MRAS: variants seen among roughly 807,000 people sequenced by gnomAD.
MRAS encodes the protein ras-related protein M-Ras.
MRAS carries 4 observed loss-of-function variants against 20.9 expected under a neutral mutation model. The observed-to-expected ratio is 0.19, with a 90% confidence interval of 0.09 to 0.44. The LOEUF is 0.44. Among genes scored for constraint, MRAS ranks in the 20% least tolerant of loss-of-function variants. The probability of loss-of-function intolerance (pLI) is 0.99; values close to 1 mark genes in which losing one functional copy is unlikely to be tolerated. For synonymous variants in MRAS, 98 were observed against 102.9 expected (o/e 0.95, Z 0.29); for missense variants, 154 against 277.5 (o/e 0.56, Z 3.16).
intron 2 of MRAS, among the ~76,000 whole-genome samples, chr3:138,383,594 C>T (rs2054949187): frequency 2.0e-5 from 3 of 152,168 alleles, no homozygotes; most frequent in African/African-American, 7.2e-5. Flanking sequence ...TAGGGAGGTT[C>T]AGGAGTGAGG....
chr3:138,394,938 C>G (rs2108557030), intron 2 of MRAS, among the ~76,000 whole-genome samples: 1 of 152,360 alleles, frequency 6.6e-6, no homozygotes, highest in South Asian at 2.1e-4. Flanking sequence ...TGCTAGCCTC[C>G]TCACTGGTTC....
intron 1 of MRAS, among the ~76,000 whole-genome samples, chr3:138,353,171 A>T (rs1288380441): frequency 1.3e-5 from 2 of 152,210 alleles, no homozygotes; most frequent in Non-Finnish European, 1.5e-5. Flanking sequence ...ATTTGAATGT[A>T]TTATAAAAAT....
In MRAS at chr3:138,404,594, G is replaced by A. The variant is rs2055422449; in HGVS notation, c.*2325G>A. Reference sequence around the variant, plus strand: ...ATGGTGCCTGAGAGAGACTAGTTAAGGGTTGGTCTTCTGTATCCTCTGCTG... The same window carrying A: ...ATGGTGCCTGAGAGAGACTAGTTAAAGGTTGGTCTTCTGTATCCTCTGCTG... On this transcript the variant is annotated 3_prime_UTR_variant, in exon 6 of 6. Coordinates refer to ENST00000423968, the MANE Select transcript of MRAS (RefSeq NM_001085049.3). 6.6e-6 allele frequency: 1 copy of A among 152,240 alleles called. No homozygotes were observed. The highest frequency in any genetic ancestry group is 2.1e-4 in the South Asian group (1 of 4,820). 9.4% of individuals were successfully genotyped at this position (152,240 alleles called of 1,614,324 possible).
intron 1 of MRAS, among the ~76,000 whole-genome samples, chr3:138,365,396 T>A (rs1400987627): frequency 6.6e-6 from 1 of 152,178 alleles, no homozygotes; most frequent in Non-Finnish European, 1.5e-5. Context: ...TATTGACAGT[T>A]GCCATATGAG....
intron 2 of MRAS, among the ~76,000 whole-genome samples, chr3:138,393,878 A>G (rs1047931613): frequency 9.2e-5 from 14 of 151,810 alleles, no homozygotes; most frequent in African/African-American, 3.1e-4. Context: ...TTTAATAGAG[A>G]TGGGGTTTCA....
chr3:138,398,523 G>A lies in MRAS; in HGVS notation c.402G>A (p.Arg134=). The A allele has an allele frequency of 6.2e-7, 1 of 1,614,208 alleles. No homozygotes were observed. The highest frequency in any genetic ancestry group is 1.1e-5 in the South Asian group (1 of 91,084). The part of the protein sequence containing the change: ...VANKVDLMHL[R]KITREQGKEM... The stretch of plus-strand genomic sequence containing the variant: ...ACAAGGTCGATTTGATGCACTTGAG[G>A]AAGATCACCAGGGAGCAAGGAAAAG... The change falls in exon 4 of 6, where the codon AGG becomes AGA. Residue 134 remains arginine, a synonymous_variant. Transcript: ENST00000423968.
chr3:138,397,974 A>C (rs1477978422), intron 3 of MRAS, among the ~76,000 whole-genome samples: 3 of 152,246 alleles, frequency 2.0e-5, no homozygotes, highest in Admixed American at 2.0e-4. Context: ...TTCACCTGTC[A>C]AATTATAATT....
In MRAS at chr3:138,358,449, T is replaced by A. The variant is rs557390121; in HGVS notation, c.-19+9682T>A. Reference sequence around the variant, plus strand: ...GAACCAGCAGAAGTGCTGGGATTATTAAGCTATCATTATTACTAGCCAGGT... The same window carrying A: ...GAACCAGCAGAAGTGCTGGGATTATAAAGCTATCATTATTACTAGCCAGGT... On this transcript the variant is annotated intron_variant, in intron 1 of 5. Coordinates refer to ENST00000423968, the MANE Select transcript of MRAS (RefSeq NM_001085049.3). Among the ~76,000 whole-genome samples, 4 of 152,352 alleles carry A rather than the reference T, an allele frequency of 2.6e-5. No individual in the cohort carries two copies. In the South Asian group the frequency reaches 8.3e-4, roughly 32 times the overall value.
chr3:138,391,667 C>T (rs1053803286), intron 2 of MRAS, among the ~76,000 whole-genome samples: 1 of 152,036 alleles, frequency 6.6e-6, no homozygotes, highest in Non-Finnish European at 1.5e-5. Context: ...CAAGAGATCT[C>T]GTTATGTATA....
chr3:138,384,756 T>A (rs1233157727), intron 2 of MRAS, among the ~76,000 whole-genome samples: 2 of 151,770 alleles, frequency 1.3e-5, no homozygotes, highest in Non-Finnish European at 2.9e-5. Context: ...GACCCACCAA[T>A]GTTTAGAGGC....
At chr3:138,385,924 C>T (rs994445926) in intron 2 of MRAS, among the ~76,000 whole-genome samples, 6 of 152,124 alleles carry the variant, frequency 3.9e-5, no homozygotes, top group Admixed American at 1.3e-4. Flanking sequence ...GCAGTGTCCT[C>T]GAACAGGTGG....
intron 4 of MRAS, among the ~76,000 whole-genome samples, chr3:138,399,123 G>A (rs2055305244): frequency 6.6e-6 from 1 of 152,250 alleles, no homozygotes; most frequent in African/African-American, 2.4e-5. Context: ...CCAGGGCCAG[G>A]AGAAAGTGGA....
At position 138,404,347 on chromosome 3, in the gene MRAS, C is replaced by G. The variant is rs1365181224; in HGVS notation, c.*2078C>G. The G allele has an allele frequency of 2.6e-5, 4 of 152,210 alleles. No individual in the cohort carries two copies. The highest frequency in any genetic ancestry group is 9.7e-5 in the African/African-American group (4 of 41,438). The allele number at this position is 152,210 out of a possible 1,614,324, so 9.4% of individuals were successfully genotyped here. ...GGCAGTGTCCACAGCCAGAAAACTC[C>G]TGCTGGGCACCAACCACTACGAGCA... On this transcript the variant is annotated 3_prime_UTR_variant, in exon 6 of 6. Coordinates refer to ENST00000423968, the MANE Select transcript of MRAS (RefSeq NM_001085049.3).
chr3:138,397,625 A>G (rs1212061910), intron 3 of MRAS, 148 bp downstream of exon 3: 2 of 976,818 alleles, frequency 2.0e-6, no homozygotes, highest in African/African-American at 1.6e-5. Context: ...TAATTAAATC[A>G]TTTGAAATCT....
At chr3:138,349,877 A>G (rs554977006) in intron 1 of MRAS, 1 of 152,312 alleles carries the variant, frequency 6.6e-6, no homozygotes, top group East Asian at 1.9e-4. Context: ...ATCATTTGAC[A>G]AGACACCTCT....
chr3:138,347,682 T>G (rs1470981363), upstream of MRAS: 1 of 152,116 alleles, frequency 6.6e-6, no homozygotes, highest in Admixed American at 6.6e-5. Flanking sequence ...AACCTCTGCC[T>G]CCCGGGTTCA....
intron 2 of MRAS, among the ~76,000 whole-genome samples, chr3:138,373,588 G>A (rs917334762): frequency 2.0e-5 from 3 of 152,160 alleles, no homozygotes; most frequent in Non-Finnish European, 2.9e-5. Context: ...ACATCCTCAG[G>A]CCCATACTGA....
intron 1 of MRAS, among the ~76,000 whole-genome samples, chr3:138,360,170 C>T (rs903563631): frequency 2.6e-5 from 4 of 152,162 alleles, no homozygotes; most frequent in Admixed American, 6.5e-5. Context: ...TTGGGATGTC[C>T]GTTTTGTTCT....
intron 1 of MRAS, chr3:138,349,472 G>A (rs1202057669): frequency 6.6e-6 from 1 of 152,538 alleles, no homozygotes; most frequent in Non-Finnish European, 1.5e-5. Context: ...GCCTAGAGGA[G>A]TTAATGTCTG....
Sources: gnomAD v4.1 joint callset for allele counts (sites outside exome capture counted in the v4.1 genomes callset) on GRCh38, gnomAD v4.1.1 for gene constraint, MANE v1.5 for transcripts, NCBI Gene and HGNC (gene_info 2026-07-23, HGNC 2026-07-21) for gene names.